Variants in PAK3 observed in about 807,000 individuals in gnomAD.
PAK3 encodes the protein serine/threonine-protein kinase PAK 3.
Under a neutral mutation model 41.0 loss-of-function variants are expected in PAK3, and 4 were observed. The observed-to-expected ratio is 0.10, with a 90% CI of 0.05 to 0.22. PAK3 has a LOEUF of 0.22. PAK3 is among the 10% of genes least tolerant of loss of function. The probability of loss-of-function intolerance (pLI) is 1.00; values close to 1 mark genes in which losing one functional copy is unlikely to be tolerated. For missense variants in PAK3, 205 were observed against 409.9 expected (o/e 0.50, Z 4.32); for synonymous variants, 146 against 139.6 (o/e 1.05, Z -0.32).
rs1943891506 is a variant in PAK3, at chrX:111,189,621, C to T, written c.831-2506C>T. ...GACTCTTTAATAATTGCCATTCTGACTGGTGAGAGATGGTGTCTCTTTGTG... is the reference window on the plus strand; with the variant it reads ...GACTCTTTAATAATTGCCATTCTGATTGGTGAGAGATGGTGTCTCTTTGTG... On this transcript the variant is annotated intron_variant, in intron 11 of 17. Coordinates refer to ENST00000372007, the MANE Select transcript of PAK3 (RefSeq NM_002578.5). 3.6e-5 allele frequency among the ~76,000 whole-genome samples: 4 copies of T among 111,771 alleles called. No homozygotes were observed. In the South Asian group the frequency reaches 1.5e-3, roughly 43 times the overall value.
chrX:110,977,363 A>T (rs1315479899), intron 1 of PAK3, among the ~76,000 whole-genome samples: 1 of 110,902 alleles, frequency 9.0e-6, no homozygotes, highest in African/African-American at 3.3e-5. Context: ...TGTTTTAACT[A>T]TTTGGGGTAA....
chrX:111,113,090 G>T (rs941123247), intron 4 of PAK3, among the ~76,000 whole-genome samples: 2 of 111,226 alleles, frequency 1.8e-5, no homozygotes, highest in Non-Finnish European at 3.8e-5. Flanking sequence ...ATATACTGTT[G>T]AATAATAATA....
chrX:111,001,655 T>A (rs1278371302), intron 1 of PAK3, among the ~76,000 whole-genome samples: 1 of 112,390 alleles, frequency 8.9e-6, no homozygotes, highest in Non-Finnish European at 1.9e-5. Context: ...ACTTGGATGT[T>A]TGAGGCCTGG....
At chrX:111,153,212 G>A (rs1438245753) in intron 8 of PAK3, among the ~76,000 whole-genome samples, 1 of 111,264 alleles carries the variant, frequency 9.0e-6, no homozygotes, top group Admixed American at 9.6e-5. Context: ...TCTTACCATT[G>A]TCCCCATTTT....
chrX:111,095,432 A>G (rs1023908673), upstream of PAK3, among the ~76,000 whole-genome samples: 4 of 111,835 alleles, frequency 3.6e-5, no homozygotes, highest in Non-Finnish European at 7.5e-5. Flanking sequence ...TGGATTTTGG[A>G]GTAGCAAGAG....
rs766056089 is a variant in PAK3, at chrX:111,163,584, A to C, written c.623A>C (p.Glu208Ala). The C allele has an allele frequency of 8.3e-7, 1 of 1,205,602 alleles. No individual in the cohort carries two copies. Among genetic ancestry groups the C allele is most frequent in the South Asian group, 1.8e-5 (1 of 56,809 alleles). Residue 208 changes from glutamate to alanine, a missense_variant, in exon 10 of 18, where the codon GAA becomes GCA. Around this residue, in one of 5 missense-constraint regions of PAK3, gnomAD observed 75 missense variants for 91.9 expected, o/e 0.82. Coordinates refer to ENST00000372007, the MANE Select transcript of PAK3 (RefSeq NM_002578.5). ...TAGATCTATACTCGTTCTGTGGTTG[A>C]ATCCATTGCTTCACCAGCAGTACCA... is the stretch of plus-strand genomic sequence containing the variant. ...TKSIYTRSVV[E>A]SIASPAVPNK... is the part of the protein sequence containing the mutation.
In PAK3 at chrX:111,079,367, G is replaced by T. The variant is rs749725666; in HGVS notation, c.-27-43710G>T. ...CATTTACCATTCTGAAAATCCTAGG[G>T]CCCTTAAGAATTATGCTAAATCTAC... On this transcript the variant is annotated intron_variant, in intron 1 of 14. Coordinates refer to the PAK3 transcript ENST00000425146. 1.3e-3 allele frequency among the ~76,000 whole-genome samples: 141 copies of T among 111,527 alleles called. 1 individual carries two copies. The highest frequency in any genetic ancestry group is 4.5e-3 in the African/African-American group (137 of 30,775).
intron 1 of PAK3, among the ~76,000 whole-genome samples, chrX:110,968,340 T>A (rs1317145605): frequency 8.9e-6 from 1 of 112,620 alleles, no homozygotes; most frequent in African/African-American, 3.2e-5. Context: ...CTAGAATAAG[T>A]GTCCAGGAGT....
Position 111,142,156 on chromosome X carries a change from C to G in PAK3, c.236C>G (p.Thr79Arg). ...EISLPSDFEH[T>R]IHVGFDAVTG... ...TCTCTTCCTTCAGACTTTGAGCATA[C>G]GATTCATGTGGGGTTTGATGCAGTC... The change falls in exon 6 of 18, where the codon ACG becomes AGG. Residue 79 changes from threonine to arginine, a missense_variant. By Grantham distance (71) the Thr-to-Arg change is moderately conservative. Around this residue, in one of 5 missense-constraint regions of PAK3, gnomAD observed 22 missense variants for 83.5 expected, o/e 0.26. Transcript: ENST00000372007. The G allele has an allele frequency of 8.4e-7, 1 of 1,188,596 alleles. No individual in the cohort carries two copies. Among genetic ancestry groups the G allele is most frequent in the South Asian group, 1.8e-5 (1 of 56,491 alleles).
At chrX:111,185,015 A>T (rs1031982552) in intron 11 of PAK3, among the ~76,000 whole-genome samples, 1 of 111,767 alleles carries the variant, frequency 8.9e-6, no homozygotes, top group Non-Finnish European at 1.9e-5. Context: ...CACTCCCACC[A>T]ATGATGTAAA....
intron 1 of PAK3, among the ~76,000 whole-genome samples, chrX:111,051,774 G>C (rs1250989246): frequency 3.6e-5 from 4 of 111,576 alleles, no homozygotes; most frequent in African/African-American, 1.3e-4. Flanking sequence ...GCAATGGAAG[G>C]TGATGATTCA....
At chrX:111,217,159 G>T (rs2094888334) in intron 17 of PAK3, 1 of 394,435 alleles carries the variant, frequency 2.5e-6, no homozygotes, top group African/African-American at 2.8e-5. Flanking sequence ...ACTTTATAGG[G>T]TAGGCATTAT....
At chrX:111,118,740 A>G (rs922209284) in intron 4 of PAK3, among the ~76,000 whole-genome samples, 1 of 111,704 alleles carries the variant, frequency 9.0e-6, no homozygotes, top group Non-Finnish European at 1.9e-5. Context: ...AAAAATAAAT[A>G]GTTATGTCTA....
At chrX:110,992,805 G>A (rs180747966) in intron 1 of PAK3, among the ~76,000 whole-genome samples, 1 of 111,269 alleles carries the variant, frequency 9.0e-6, no homozygotes, top group Non-Finnish European at 1.9e-5. Context: ...TTTCACCACC[G>A]GGTGGCAGTA....
At chrX:111,170,445 C>A (rs190808036) in intron 10 of PAK3, among the ~76,000 whole-genome samples, 3 of 110,247 alleles carry the variant, frequency 2.7e-5, no homozygotes, top group Non-Finnish European at 5.7e-5. Context: ...CTATCTACTG[C>A]TGTTAGGTCT....
rs2094924332 is a variant in PAK3 at position 111,220,955 on chromosome X, A to AAAAAAAAAAAAAAAAAAAAAAAAAAAAC, written c.*515_*516insAAAAAAAAAAAAAAAAAAAACAAAAAAA. On this transcript the variant is annotated 3_prime_UTR_variant, in exon 18 of 18. Coordinates refer to ENST00000372007, the MANE Select transcript of PAK3 (RefSeq NM_002578.5). ...GCAAAAAAAGCAAGGCAAAAAAAAAAAAAAAAACAAACAAAAACAAAAACA... is the reference window on the plus strand; with the variant it reads ...GCAAAAAAAGCAAGGCAAAAAAAAAAAAAAAAAAAAAAAAAAAAAAAAAAAAACAAAAAAACAAACAAAAACAAAAACA... 1 of 111,367 alleles carries AAAAAAAAAAAAAAAAAAAAAAAAAAAAC rather than the reference A, an allele frequency of 9.0e-6. No homozygotes were observed. The allele number at this position is 111,367 out of a possible 1,213,427, so 9.2% of individuals were successfully genotyped here. A position where few individuals can be genotyped will look rare whatever the true frequency, so the allele number is the denominator to read the frequency against.
intron 6 of PAK3, among the ~76,000 whole-genome samples, chrX:111,142,607 C>A (rs1303649212): frequency 8.9e-6 from 1 of 112,061 alleles, no homozygotes; most frequent in Admixed American, 9.5e-5. Context: ...CCCAGATCAG[C>A]TAACTACGCT....
chrX:110,968,860 T>G (rs1333244445), intron 1 of PAK3, among the ~76,000 whole-genome samples: 1 of 111,012 alleles, frequency 9.0e-6, no homozygotes, highest in East Asian at 2.8e-4. Context: ...TCATTTTTCT[T>G]TCATGGATTA....
intron 1 of PAK3, among the ~76,000 whole-genome samples, chrX:111,022,417 C>A (rs752808188): frequency 3.6e-5 from 4 of 111,627 alleles, no homozygotes; most frequent in African/African-American, 1.3e-4. Flanking sequence ...AATTTTGTAT[C>A]CAGAGCAACT....
Sources: gnomAD v4.1 joint callset for allele counts (sites outside exome capture counted in the v4.1 genomes callset) on GRCh38, gnomAD v4.1.1 for gene constraint, gnomAD v4.1.1 regional missense constraint, MANE v1.5 for transcripts, NCBI Gene and HGNC (gene_info 2026-07-23, HGNC 2026-07-21) for gene names.